The following PRR30 variants were observed in gnomAD, a reference collection of about 807,000 sequenced individuals.
PRR30 encodes proline-rich protein 30.
For synonymous variants in PRR30, 229 were observed against 222.7 expected (o/e 1.03, Z -0.25); for missense variants, 546 against 525.3 (o/e 1.04, Z -0.39).
chr2:27,137,786 T>C lies in PRR30; in HGVS notation c.544A>G (p.Arg182Gly). Reference sequence around the variant, plus strand: ...CCAGGGGACCCGGACCCAGTGTCCCTGTACTGATGCCAGCGCCATGTCTGC... The same window carrying C: ...CCAGGGGACCCGGACCCAGTGTCCCCGTACTGATGCCAGCGCCATGTCTGC... ...NRQTWRWHQY[R>G]DTGSGSPGVV... is the part of the protein sequence containing the mutation. Residue 182 changes from arginine to glycine, a missense_variant, in exon 3 of 3, where the codon AGG (arginine) becomes GGG (glycine). Physicochemically the swap from Arg to Gly is moderately radical, Grantham distance 125 (BLOSUM62 -2). Transcript: ENST00000335524. The surrounding 1 kb of genome is among the most constrained non-coding windows in gnomAD (Gnocchi z 4.3). The C allele has an allele frequency of 6.2e-7, 1 of 1,608,768 alleles. No homozygotes were observed. The highest frequency in any genetic ancestry group is 8.5e-7 in the Non-Finnish European group (1 of 1,176,226).
Position 27,138,047 on chromosome 2 carries a change from G to C in PRR30, c.283C>G (p.Pro95Ala). The C allele has an allele frequency of 6.2e-7, 1 of 1,613,998 alleles. No individual in the cohort carries two copies. The highest frequency in any genetic ancestry group is 1.6e-4 in the Middle Eastern group (1 of 6,062). Residue 95 changes from proline to alanine, a missense_variant, in exon 3 of 3, where the codon CCT becomes GCT. By Grantham distance (27) the Pro-to-Ala change is conservative. Coordinates refer to ENST00000335524, the MANE Select transcript of PRR30 (RefSeq NM_178553.4). ...HPYSPSLPSS[P>A]TFFHQNYLSL... Reference sequence around the variant, plus strand: ...AGGTAGTTCTGGTGAAAGAAAGTAGGGGAACTTGGGAGAGAGGGAGAATAG... The same window carrying C: ...AGGTAGTTCTGGTGAAAGAAAGTAGCGGAACTTGGGAGAGAGGGAGAATAG...
chr2:27,137,381 T>G lies in PRR30; in HGVS notation c.949A>C (p.Arg317=), dbSNP rs1436790045. Residue 317 remains arginine (R), a synonymous_variant, in exon 3 of 3, where the codon AGG becomes CGG. Transcript: ENST00000335524. The surrounding 1 kb of genome is among the most constrained non-coding windows in gnomAD (Gnocchi z 4.3). ...ARALHLLPEK[R]PKEAGPQGKA... is the part of the protein sequence containing the mutation. Reference sequence around the variant, plus strand: ...CCCTGAGGCCCTGCTTCCTTCGGCCTTTTCTCGGGCAGCAGATGCAAGGCC... The same window carrying G: ...CCCTGAGGCCCTGCTTCCTTCGGCCGTTTCTCGGGCAGCAGATGCAAGGCC... 1.9e-6 allele frequency: 3 copies of G among 1,613,970 alleles called. No individual in the cohort carries two copies. The South Asian group carries it at 3.3e-5, about 18-fold the overall frequency.
rs1341998522 is a variant in PRR30 at position 27,137,013 on chromosome 2, G to T, written c.*78C>A. 2 of 1,525,072 alleles carry T rather than the reference G, an allele frequency of 1.3e-6. No homozygotes were observed. The highest frequency in any genetic ancestry group is 1.4e-5 in the African/African-American group (1 of 72,194). The allele number at this position is 1,525,072 out of a possible 1,614,324, so 94.5% of individuals were successfully genotyped here. The stretch of plus-strand genomic sequence containing the variant: ...AGCCAGCCCTTCAGGGTGTCTCGGG[G>T]ACTCCCCGAGATCTGGGGCCTGGTT... On this transcript the variant is annotated 3_prime_UTR_variant, in exon 3 of 3. Coordinates refer to ENST00000335524, the MANE Select transcript of PRR30 (RefSeq NM_178553.4). This position sits in a 1 kb window ranked among gnomAD's most constrained non-coding sequence, Gnocchi z 4.3.
chr2:27,138,287 C>T lies in PRR30; in HGVS notation c.43G>A (p.Val15Met). 6.2e-7 allele frequency: 1 copy of T among 1,611,682 alleles called. No homozygotes were observed. Among genetic ancestry groups the T allele is most frequent in the Non-Finnish European group, 8.5e-7 (1 of 1,178,954 alleles). Residue 15 changes from valine (V) to methionine (M), a missense_variant, in exon 3 of 3, where the codon GTG becomes ATG. Coordinates refer to ENST00000335524, the MANE Select transcript of PRR30 (RefSeq NM_178553.4). ...CCCCAAGTGGGGCGCCCAGGGAGCA[C>T]TGAGGTCTGTGGCAGCACCTGGTCC... ...NKDQVLPQTS[V>M]LPGRPTWGFS...
At position 27,137,121 on chromosome 2, in the gene PRR30, C is replaced by G; in HGVS notation, c.1209G>C (p.Leu403=). 1 of 1,614,148 alleles carries G rather than the reference C, an allele frequency of 6.2e-7. No homozygotes were observed. The highest frequency in any genetic ancestry group is 8.5e-7 in the Non-Finnish European group (1 of 1,180,016). The change falls in exon 3 of 3, where the codon CTG becomes CTC. Residue 403 remains leucine (L), a synonymous_variant. Transcript: ENST00000335524. The surrounding 1 kb of genome is among the most constrained non-coding windows in gnomAD (Gnocchi z 4.3). The stretch of plus-strand genomic sequence containing the variant: ...CTGATGACTTTTGGAGAATGAGCTC[C>G]AGAGAAACTGGCCTCTTTGGGCCAG... ...PCPGPKRPVS[L]ELILQKSSV
Position 27,138,347 on chromosome 2 carries a change from G to A in PRR30, c.-18C>T, listed in dbSNP as rs1346938288. ...GGCAACATCGCCTTGAATCCAGAAG[G>A]AACTGGGGCAACAAGACTAGGGATA... On this transcript the variant is annotated 5_prime_UTR_variant, in exon 3 of 3. Coordinates refer to ENST00000335524, the MANE Select transcript of PRR30 (RefSeq NM_178553.4). 1.3e-6 allele frequency: 2 copies of A among 1,574,906 alleles called. No homozygotes were observed. The highest frequency in any genetic ancestry group is 3.6e-5 in the Admixed American group (2 of 55,038).
At position 27,137,883 on chromosome 2, in the gene PRR30, G is replaced by A. The variant is rs375482932; in HGVS notation, c.447C>T (p.Pro149=). 15 of 1,598,604 alleles carry A rather than the reference G, an allele frequency of 9.4e-6. No individual in the cohort carries two copies. Among genetic ancestry groups the A allele is most frequent in the South Asian group, 1.1e-5 (1 of 88,476 alleles). ...TGAGTGTGGAGCTATGCAGTTCCTC[G>A]GGGTGGGAAGGGGACTGGCAAGGTG... is the stretch of plus-strand genomic sequence containing the variant. ...PHSPCQSPSH[P]EELHSSTLTS... The change falls in exon 3 of 3, where the codon CCC becomes CCT. Residue 149 remains proline, a synonymous_variant. Transcript: ENST00000335524. The surrounding 1 kb of genome is among the most constrained non-coding windows in gnomAD (Gnocchi z 4.3).
At position 27,137,117 on chromosome 2, in the gene PRR30, G is replaced by C. The variant is rs1335884957; in HGVS notation, c.1213C>G (p.Leu405Val). The change falls in exon 3 of 3, where the codon CTC (leucine) becomes GTC (valine). Residue 405 changes from leucine to valine, a missense_variant. Leu to Val is a conservative substitution (Grantham distance 32). Coordinates refer to ENST00000335524, the MANE Select transcript of PRR30 (RefSeq NM_178553.4). The surrounding 1 kb of genome is among the most constrained non-coding windows in gnomAD (Gnocchi z 4.3). The part of the protein sequence containing the change: ...PGPKRPVSLE[L>V]ILQKSSV Reference sequence around the variant, plus strand: ...TAGACTGATGACTTTTGGAGAATGAGCTCCAGAGAAACTGGCCTCTTTGGG... The same window carrying C: ...TAGACTGATGACTTTTGGAGAATGACCTCCAGAGAAACTGGCCTCTTTGGG... The C allele has an allele frequency of 1.2e-6, 2 of 1,614,060 alleles. No homozygotes were observed. The highest frequency in any genetic ancestry group is 1.7e-6 in the Non-Finnish European group (2 of 1,180,038).
rs760470470 is a variant in PRR30, at chr2:27,138,330, C to A, written c.-1G>T. ...CCTGGTCCTTGTTTTGAGGCAACAT[C>A]GCCTTGAATCCAGAAGGAACTGGGG... On this transcript the variant is annotated 5_prime_UTR_variant, in exon 3 of 3. Transcript: ENST00000335524. 6.3e-7 allele frequency: 1 copy of A among 1,590,146 alleles called. No homozygotes were observed. Among genetic ancestry groups the A allele is most frequent in the Non-Finnish European group, 8.6e-7 (1 of 1,167,808 alleles).
chr2:27,138,396 A>G lies in PRR30; in HGVS notation c.-67T>C. 8.5e-6 allele frequency: 13 copies of G among 1,521,626 alleles called. No individual in the cohort carries two copies. Among genetic ancestry groups the G allele is most frequent in the Non-Finnish European group, 1.1e-5 (13 of 1,137,312 alleles). The allele number at this position is 1,521,626 out of a possible 1,614,324, so 94.3% of individuals were successfully genotyped here. ...TAAGAGACCTGGCAGAGTCAGGACC[A>G]GTATCTCTGAGGTCAGCTGTGCCTG... On this transcript the variant is annotated 5_prime_UTR_variant, in exon 3 of 3. Coordinates refer to ENST00000335524, the MANE Select transcript of PRR30 (RefSeq NM_178553.4).
rs1474499293 is a variant in PRR30 at position 27,137,825 on chromosome 2, G to A, written c.505C>T (p.Leu169Phe). ...CGCCATGTCTGCCTGTTAGAGTGGA[G>A]CCTATGAGAAGGTGGGCTGGGGCCT... ...SPGPSPPSHR[L>F]HSNRQTWRWH... The change falls in exon 3 of 3, where the codon CTC becomes TTC. Residue 169 changes from leucine (L) to phenylalanine (F), a missense_variant. By Grantham distance (22) the Leu-to-Phe change is conservative (BLOSUM62 0). Transcript: ENST00000335524. The surrounding 1 kb of genome is among the most constrained non-coding windows in gnomAD (Gnocchi z 4.3). 1 of 1,600,790 alleles carries A rather than the reference G, an allele frequency of 6.2e-7. No homozygotes were observed. The highest frequency in any genetic ancestry group is 8.5e-7 in the Non-Finnish European group (1 of 1,171,066).
In PRR30 at chr2:27,137,797, C is replaced by G. The variant is rs201002698; in HGVS notation, c.533G>C (p.Trp178Ser). ...RLHSNRQTWR[W>S]HQYRDTGSGS... ...GGACCCAGTGTCCCTGTACTGATGCCAGCGCCATGTCTGCCTGTTAGAGTG... is the reference window on the plus strand; with the variant it reads ...GGACCCAGTGTCCCTGTACTGATGCGAGCGCCATGTCTGCCTGTTAGAGTG... Residue 178 changes from tryptophan to serine, a missense_variant, in exon 3 of 3, where the codon TGG (tryptophan) becomes TCG (serine). Trp to Ser is a radical substitution (Grantham distance 177). Coordinates refer to ENST00000335524, the MANE Select transcript of PRR30 (RefSeq NM_178553.4). This position sits in a 1 kb window ranked among gnomAD's most constrained non-coding sequence, Gnocchi z 4.3. 3.6e-5 allele frequency: 58 copies of G among 1,606,360 alleles called. No homozygotes were observed. The East Asian group carries it at 1.3e-3, about 36-fold the overall frequency.
chr2:27,137,725 G>A lies in PRR30; in HGVS notation c.605C>T (p.Pro202Leu). The change falls in exon 3 of 3, where the codon CCT becomes CTT. Residue 202 changes from proline (P) to leucine (L), a missense_variant. By Grantham distance (98) the Pro-to-Leu change is moderately conservative. Transcript: ENST00000335524. The surrounding 1 kb of genome is among the most constrained non-coding windows in gnomAD (Gnocchi z 4.3). ...GGCCCCTGGGTCCCTGAACTGTGCA[G>A]GATCCTTCTCGCTTGGCACGCATCT... ...VERCVPSEKDPAQFRDPGALA... is the reference protein window; with the variant it reads ...VERCVPSEKDLAQFRDPGALA... 5 of 1,614,076 alleles carry A rather than the reference G, an allele frequency of 3.1e-6. No individual in the cohort carries two copies. Among genetic ancestry groups the A allele is most frequent in the African/African-American group, 1.3e-5 (1 of 75,080 alleles).
rs552384043 is a variant in PRR30 at position 27,137,709 on chromosome 2, G to T, written c.621C>A (p.Asp207Glu). The change falls in exon 3 of 3, where the codon GAC becomes GAA. Residue 207 changes from aspartate (D) to glutamate (E), a missense_variant. Asp to Glu is a conservative substitution (Grantham distance 45). Transcript: ENST00000335524. The surrounding 1 kb of genome is among the most constrained non-coding windows in gnomAD (Gnocchi z 4.3). The stretch of plus-strand genomic sequence containing the variant: ...CCAGGGCCTGGGCCAGGGCCCCTGG[G>T]TCCCTGAACTGTGCAGGATCCTTCT... Reference protein sequence around the residue: ...PSEKDPAQFRDPGALAQALVV... With the variant: ...PSEKDPAQFREPGALAQALVV... 7 of 1,613,750 alleles carry T rather than the reference G, an allele frequency of 4.3e-6. No individual in the cohort carries two copies. The highest frequency in any genetic ancestry group is 1.6e-4 in the Middle Eastern group (1 of 6,084).
At chr2:27,138,817 A>G (rs1672558976) in intron 2 of PRR30, 123 bp from the exon 3 acceptor site, 1 of 168,232 alleles carries the variant, frequency 5.9e-6, no homozygotes, top group African/African-American at 2.4e-5. Flanking sequence ...TTGGGATCAA[A>G]AGAACTGGCA....
At position 27,136,964 on chromosome 2, in the gene PRR30, G is replaced by A; in HGVS notation, c.*127C>T. ...CAAGGGGCTCCCAGGGTTCAGAGCA[G>A]GAGAACACACCTGACCTCCGGCCAG... On this transcript the variant is annotated 3_prime_UTR_variant, in exon 3 of 3. Coordinates refer to ENST00000335524, the MANE Select transcript of PRR30 (RefSeq NM_178553.4). 1.5e-6 allele frequency: 2 copies of A among 1,328,526 alleles called. No homozygotes were observed. Among genetic ancestry groups the A allele is most frequent in the Non-Finnish European group, 2.0e-6 (2 of 995,454 alleles). The allele number at this position is 1,328,526 out of a possible 1,614,324, so 82.3% of individuals were successfully genotyped here.
rs146122233 is a variant in PRR30, at chr2:27,137,454, G to C, written c.876C>G (p.Leu292=). ...GGAGGCCGAAGCCGATGCCTATCCG[G>C]AGTGGCCCAGATTCCTGGCCCTGCA... The part of the protein sequence containing the change: ...PCVQGQESGP[L]RIGIGFGLRL... Residue 292 remains leucine, a synonymous_variant, in exon 3 of 3, where the codon CTC becomes CTG. Coordinates refer to ENST00000335524, the MANE Select transcript of PRR30 (RefSeq NM_178553.4). The surrounding 1 kb of genome is among the most constrained non-coding windows in gnomAD (Gnocchi z 4.3). 1 of 1,612,226 alleles carries C rather than the reference G, an allele frequency of 6.2e-7. No individual in the cohort carries two copies. The highest frequency in any genetic ancestry group is 1.1e-5 in the South Asian group (1 of 91,046).
chr2:27,137,351 C>G lies in PRR30; in HGVS notation c.979G>C (p.Ala327Pro). Residue 327 changes from alanine (A) to proline (P), a missense_variant, in exon 3 of 3, where the codon GCT becomes CCT. Ala to Pro is a conservative substitution (Grantham distance 27). Transcript: ENST00000335524. This position sits in a 1 kb window ranked among gnomAD's most constrained non-coding sequence, Gnocchi z 4.3. ...AATTGATGCCCACAGGCCTGAGTAG[C>G]CTTGCCCTGAGGCCCTGCTTCCTTC... ...RPKEAGPQGKATQACGHQLPA... is the reference protein window; with the variant it reads ...RPKEAGPQGKPTQACGHQLPA... 1 of 1,614,198 alleles carries G rather than the reference C, an allele frequency of 6.2e-7. No homozygotes were observed. The highest frequency in any genetic ancestry group is 8.5e-7 in the Non-Finnish European group (1 of 1,180,044).
Position 27,137,552 on chromosome 2 carries a change from T to A in PRR30, c.778A>T (p.Ser260Cys), listed in dbSNP as rs746453548. 1 of 1,588,132 alleles carries A rather than the reference T, an allele frequency of 6.3e-7. No homozygotes were observed. The highest frequency in any genetic ancestry group is 8.6e-7 in the Non-Finnish European group (1 of 1,166,288). Residue 260 changes from serine to cysteine, a missense_variant, in exon 3 of 3, where the codon AGC (serine) becomes TGC (cysteine). Ser to Cys is a moderately radical substitution (Grantham distance 112). Coordinates refer to ENST00000335524, the MANE Select transcript of PRR30 (RefSeq NM_178553.4). The surrounding 1 kb of genome is among the most constrained non-coding windows in gnomAD (Gnocchi z 4.3). Reference sequence around the variant, plus strand: ...TACCTGGGGAGGGGGCAGGAGGGGCTGCGGGGCCGGAGGCACACCAGGCAT... The same window carrying A: ...TACCTGGGGAGGGGGCAGGAGGGGCAGCGGGGCCGGAGGCACACCAGGCAT... ...PICLVCLRPRSPSCPLPRYRT... is the reference protein window; with the variant it reads ...PICLVCLRPRCPSCPLPRYRT...
Sources: gnomAD v4.1 joint callset for allele counts on GRCh38, gnomAD v4.1.1 for gene constraint, Gnocchi (gnomAD v3.1) non-coding constraint, MANE v1.5 for transcripts, NCBI Gene and HGNC (gene_info 2026-07-23, HGNC 2026-07-21) for gene names.